Variants in BDH2 observed in about 807,000 individuals in gnomAD.
BDH2 encodes dehydrogenase/reductase SDR family member 6.
A neutral mutation model predicts 33.2 loss-of-function variants in BDH2; 24 were observed. The ratio of observed to expected loss-of-function variants is 0.72; its 90% confidence interval spans 0.52 to 1.02. The LOEUF is 1.02. Ranked by LOEUF, BDH2 falls within the 50% of genes least tolerant of loss-of-function variation. The probability of loss-of-function intolerance (pLI) is 0.00; values close to 1 mark genes in which losing one functional copy is unlikely to be tolerated. For missense variants in BDH2, 249 were observed against 301.6 expected (o/e 0.83, Z 1.29); for synonymous variants, 81 against 101.6 (o/e 0.80, Z 1.22).
At chr4:103,099,430 T>A (rs1748548517) in intron 1 of BDH2, 1 of 152,192 alleles carries the variant, frequency 6.6e-6, no homozygotes, top group Non-Finnish European at 1.5e-5. Flanking sequence ...CACCTCTCAA[T>A]ATATCCAATG....
At chr4:103,090,344 T>C (rs1391147619) in intron 5 of BDH2, among the ~76,000 whole-genome samples, 3 of 152,224 alleles carry the variant, frequency 2.0e-5, no homozygotes, top group African/African-American at 7.2e-5. Flanking sequence ...ATTTTAAACA[T>C]TGATGCGTTG....
chr4:103,083,571 C>T (rs978516627), intron 7 of BDH2, among the ~76,000 whole-genome samples: 7 of 152,082 alleles, frequency 4.6e-5, no homozygotes, highest in African/African-American at 7.2e-5. Flanking sequence ...ATAAGAACAA[C>T]GCTAACATTT....
rs1355014103 is a variant in BDH2 at position 103,086,657 on chromosome 4, AG to A, written c.358-118del. On this transcript the variant is annotated intron_variant, in intron 5 of 9. Coordinates refer to ENST00000296424, the MANE Select transcript of BDH2 (RefSeq NM_020139.4). ...GCAGAATGAATTTAATTACTGTATT[AG>A]CTAGTCACATTAAGCACTATTAAGC... 1.4e-5 allele frequency: 18 copies of A among 1,287,964 alleles called. No homozygotes were observed. The East Asian group carries it at 4.6e-4, about 33-fold the overall frequency. 79.8% of individuals were successfully genotyped at this position (1,287,964 alleles called of 1,614,324 possible). A position where few individuals can be genotyped will look rare whatever the true frequency, so the allele number is the denominator to read the frequency against.
rs7684279 is a variant in BDH2 at position 103,084,960 on chromosome 4, G to A, written c.532+389C>T. Among the ~76,000 whole-genome samples the A allele has an allele frequency of 7.5e-3, 1,137 of 152,192 alleles. 11 individuals carry two copies. The highest frequency in any genetic ancestry group is 0.026 in the African/African-American group (1,062 of 41,492). The stretch of plus-strand genomic sequence containing the variant: ...CACTACCAAGGGAAACCTTGATCCT[G>A]GATATGCAATCATTTCTTTTTAAAG... On this transcript the variant is annotated intron_variant, in intron 7 of 9. Transcript: ENST00000296424.
At chr4:103,091,959 G>A (rs1039427861) in intron 4 of BDH2, among the ~76,000 whole-genome samples, 2 of 152,166 alleles carry the variant, frequency 1.3e-5, no homozygotes, top group African/African-American at 2.4e-5. Context: ...TAAGAGAGAC[G>A]TTAAGGCAGA....
At chr4:103,090,000 C>T (rs541692143) in intron 5 of BDH2, among the ~76,000 whole-genome samples, 202 of 152,300 alleles carry the variant, frequency 1.3e-3, no homozygotes, top group African/African-American at 4.5e-3. Context: ...ACCTTCTTAA[C>T]ATTAGGTTGA....
In BDH2 at chr4:103,078,620, C is replaced by G. The variant is rs567868455; in HGVS notation, c.*1082G>C. Among the ~76,000 whole-genome samples the G allele has an allele frequency of 6.6e-6, 1 of 152,122 alleles. No individual in the cohort carries two copies. Among genetic ancestry groups the G allele is most frequent in the African/African-American group, 2.4e-5 (1 of 41,420 alleles). On this transcript the variant is annotated 3_prime_UTR_variant, in exon 10 of 10. Coordinates refer to ENST00000296424, the MANE Select transcript of BDH2 (RefSeq NM_020139.4). ...CGTTTTGAGGCTGAACTCCTTTACT[C>G]CTTTTACTGTAAGCTATTGAAGCCA...
At chr4:103,083,521 T>C (rs1747621256) in intron 7 of BDH2, among the ~76,000 whole-genome samples, 1 of 152,190 alleles carries the variant, frequency 6.6e-6, no homozygotes, top group Non-Finnish European at 1.5e-5. Context: ...AAAAATATAA[T>C]TTAATCTAAT....
chr4:103,089,791 T>C (rs965980443), intron 5 of BDH2, among the ~76,000 whole-genome samples: 1 of 152,140 alleles, frequency 6.6e-6, no homozygotes, highest in Non-Finnish European at 1.5e-5. Context: ...GTGTTCCAAA[T>C]ACTATAGTTT....
intron 7 of BDH2, among the ~76,000 whole-genome samples, chr4:103,084,383 T>C (rs78079011): frequency 0.014 from 2,107 of 152,230 alleles, 50 homozygotes; most frequent in African/African-American, 0.048. Context: ...TTTGTGACTA[T>C]ACAACCATCA....
At chr4:103,089,781 G>A (rs181216993) in intron 5 of BDH2, among the ~76,000 whole-genome samples, 3 of 151,892 alleles carry the variant, frequency 2.0e-5, no homozygotes, top group Admixed American at 6.6e-5. Flanking sequence ...AAATACATTC[G>A]TGTTCCAAAT....
intron 1 of BDH2, chr4:103,099,385 T>C (rs1182629892): frequency 1.3e-5 from 2 of 152,160 alleles, no homozygotes; most frequent in African/African-American, 4.8e-5. Context: ...TTTGAGAAAA[T>C]GAGAGCAAAC....
intron 9 of BDH2, among the ~76,000 whole-genome samples, chr4:103,080,132 A>G (rs965242428): frequency 6.6e-6 from 1 of 152,210 alleles, no homozygotes; most frequent in Non-Finnish European, 1.5e-5. Flanking sequence ...CCACTAATAA[A>G]CTTTTGAACA....
chr4:103,086,531 G>C lies in BDH2; in HGVS notation c.367C>G (p.Gln123Glu), dbSNP rs1398294809. Residue 123 changes from glutamine to glutamate, a missense_variant, in exon 6 of 10, where the codon CAG becomes GAG. Physicochemically the swap from Gln to Glu is conservative, Grantham distance 29. Transcript: ENST00000296424. The part of the protein sequence containing the change: ...IKAFLPKMLA[Q>E]KSGNIINMSS... The stretch of plus-strand genomic sequence containing the variant: ...ATGTTGATAATATTGCCAGATTTCT[G>C]AGCAAGCATCTGCCAAAACAAAACA... The C allele has an allele frequency of 6.2e-7, 1 of 1,607,332 alleles. No individual in the cohort carries two copies. The highest frequency in any genetic ancestry group is 8.5e-7 in the Non-Finnish European group (1 of 1,177,856).
In BDH2 at chr4:103,095,554, C is replaced by T. The variant is rs141795693; in HGVS notation, c.73-273G>A. ...AATAACGTTCTTAAAAAAATGACAGCTGTTTTCAATACTCTCAAAATACTG... is the reference window on the plus strand; with the variant it reads ...AATAACGTTCTTAAAAAAATGACAGTTGTTTTCAATACTCTCAAAATACTG... On this transcript the variant is annotated intron_variant, in intron 2 of 9. Coordinates refer to ENST00000296424, the MANE Select transcript of BDH2 (RefSeq NM_020139.4). 2.4e-3 allele frequency among the ~76,000 whole-genome samples: 371 copies of T among 152,218 alleles called. 2 individuals carry two copies. Among genetic ancestry groups the T allele is most frequent in the Middle Eastern group, 6.8e-3 (2 of 294 alleles).
At position 103,078,114 on chromosome 4, in the gene BDH2, TTGAG is replaced by T. The variant is rs1172165229; in HGVS notation, c.*1584_*1587del. On this transcript the variant is annotated 3_prime_UTR_variant, in exon 10 of 10. Coordinates refer to ENST00000296424, the MANE Select transcript of BDH2 (RefSeq NM_020139.4). ...AAGGCTAAGAATCACTGCACATTTATTGAGTATCTCAGTGTGCATCATACCATTT... is the reference window on the plus strand; with the variant it reads ...AAGGCTAAGAATCACTGCACATTTATTATCTCAGTGTGCATCATACCATTT... 2.6e-5 allele frequency among the ~76,000 whole-genome samples: 4 copies of T among 152,232 alleles called. No homozygotes were observed. Among genetic ancestry groups the T allele is most frequent in the Admixed American group, 2.0e-4 (3 of 15,282 alleles).
At chr4:103,099,691 C>G (rs1467907856) in intron 1 of BDH2, 92 bp downstream of exon 1, 3 of 152,182 alleles carry the variant, frequency 2.0e-5, no homozygotes, top group Non-Finnish European at 4.4e-5. Flanking sequence ...AATTTTGAAA[C>G]AGGCAACGTG....
At chr4:103,090,687 T>C (rs929344098) in intron 5 of BDH2, among the ~76,000 whole-genome samples, 1 of 152,206 alleles carries the variant, frequency 6.6e-6, no homozygotes, top group Non-Finnish European at 1.5e-5. Flanking sequence ...GCCTCCCTGC[T>C]GTTACCTCTG....
At chr4:103,080,581 A>G (rs1747461482) in intron 9 of BDH2, among the ~76,000 whole-genome samples, 1 of 152,230 alleles carries the variant, frequency 6.6e-6, no homozygotes. Context: ...CTGATAATAT[A>G]CAGTAGGTGA....
Sources: allele counts gnomAD v4.1 joint callset (sites outside exome capture counted in the v4.1 genomes callset), GRCh38; gene constraint gnomAD v4.1.1; transcripts MANE v1.5; gene names NCBI Gene and HGNC (gene_info 2026-07-23, HGNC 2026-07-21).